The following ZPBP variants were observed in gnomAD, a reference collection of about 807,000 sequenced individuals.
The protein encoded by ZPBP is zona pellucida-binding protein 1.
ZPBP carries 26 observed loss-of-function variants against 44.8 expected under a neutral mutation model. The ratio of observed to expected loss-of-function variants is 0.58; its 90% CI spans 0.43 to 0.81. ZPBP has a LOEUF of 0.81. Among genes scored for constraint, ZPBP ranks in the 30% least tolerant of loss-of-function variants. The pLI is 0.00. For synonymous variants in ZPBP, 174 were observed against 153.2 expected, an observed-to-expected ratio of 1.14 and a Z score of -1.00; for missense variants, 409 against 434.0, an observed-to-expected ratio of 0.94 and a Z score of 0.51.
At chr7:50,051,912 T>G (rs1159099259) in intron 4 of ZPBP, among the ~76,000 whole-genome samples, 1 of 152,050 alleles carries the variant, frequency 6.6e-6, no homozygotes, top group Non-Finnish European at 1.5e-5. Context: ...GGCACATGTT[T>G]ATGTAACGAG....
intron 7 of ZPBP, among the ~76,000 whole-genome samples, chr7:49,972,252 G>C (rs1796328973): frequency 6.6e-6 from 1 of 151,150 alleles, no homozygotes; most frequent in African/African-American, 2.4e-5. Flanking sequence ...AGAGAAATTG[G>C]GCAAGAAAAA....
At chr7:50,080,163 G>C (rs1365806879) in intron 3 of ZPBP, among the ~76,000 whole-genome samples, 2 of 151,652 alleles carry the variant, frequency 1.3e-5, no homozygotes, top group African/African-American at 4.8e-5. Flanking sequence ...AAGCTTCTCT[G>C]TTCTTCAAAC....
At chr7:50,010,443 T>C (rs776840614) in intron 6 of ZPBP, among the ~76,000 whole-genome samples, 1 of 152,126 alleles carries the variant, frequency 6.6e-6, no homozygotes, top group Non-Finnish European at 1.5e-5. Flanking sequence ...AAATAATCTT[T>C]AGCTTAAATC....
At chr7:49,884,103 C>T (rs536353350) in intron 2 of ZPBP, among the ~76,000 whole-genome samples, 2 of 152,336 alleles carry the variant, frequency 1.3e-5, no homozygotes, top group South Asian at 4.1e-4. Flanking sequence ...GCAAACCTGT[C>T]AGGCTGGTAG....
downstream of ZPBP, among the ~76,000 whole-genome samples, chr7:49,933,721 C>T (rs1356240568): frequency 6.6e-6 from 1 of 151,992 alleles, no homozygotes; most frequent in Non-Finnish European, 1.5e-5. Flanking sequence ...ACTATGCAGC[C>T]ATAAAAAAGG....
intron 6 of ZPBP, among the ~76,000 whole-genome samples, chr7:50,006,201 T>C (rs1798304238): frequency 6.6e-6 from 1 of 151,836 alleles, no homozygotes; most frequent in Non-Finnish European, 1.5e-5. Flanking sequence ...ACCCCACTTT[T>C]AGTAATGGAC....
chr7:50,018,446 C>T, intron 5 of ZPBP, 130 bp from the exon 6 acceptor site: 2 of 747,898 alleles, frequency 2.7e-6, no homozygotes, highest in South Asian at 2.0e-5. Context: ...TTTCCTAGTG[C>T]TAAATGACTC....
intron 7 of ZPBP, among the ~76,000 whole-genome samples, chr7:49,968,283 CAGA>C (rs1231590203): frequency 1.8e-4 from 27 of 151,972 alleles, no homozygotes; most frequent in Non-Finnish European, 3.4e-4. Context: ...AATAAAAGGA[CAGA>C]TATATTAGGT....
At position 49,982,270 on chromosome 7, in the gene ZPBP, A is replaced by G. The variant is rs550468201; in HGVS notation, c.961+1072T>C. ...ATTATATATTTATATTATATATTAT[A>G]TATAATTTATAATTATACATAATAT... is the stretch of plus-strand genomic sequence containing the variant. On this transcript the variant is annotated intron_variant, in intron 7 of 7. Coordinates refer to ENST00000046087, the MANE Select transcript of ZPBP (RefSeq NM_007009.3). Among the ~76,000 whole-genome samples the G allele has an allele frequency of 2.0e-3, 208 of 106,622 alleles. 1 individual carries two copies. The highest frequency in any genetic ancestry group is 7.1e-3 in the African/African-American group (192 of 27,204). The allele number at this position is 106,622 out of a possible 152,430, so 69.9% of individuals were successfully genotyped here.
chr7:49,981,787 G>A (rs1427545857), intron 7 of ZPBP, among the ~76,000 whole-genome samples: 1 of 86,998 alleles, frequency 1.1e-5, no homozygotes, highest in Non-Finnish European at 2.0e-5. Context: ...GAATTATATA[G>A]ATTATATAAT....
At chr7:50,045,056 T>C in intron 4 of ZPBP, among the ~76,000 whole-genome samples, 1 of 152,192 alleles carries the variant, frequency 6.6e-6, no homozygotes, top group East Asian at 1.9e-4. Context: ...AACCACATGA[T>C]TATCTCAATA....
At chr7:50,068,069 T>C (rs1801621760) in intron 3 of ZPBP, among the ~76,000 whole-genome samples, 1 of 152,198 alleles carries the variant, frequency 6.6e-6, no homozygotes, top group Non-Finnish European at 1.5e-5. Flanking sequence ...TCAAGGCTTC[T>C]TTGATTTTTT....
chr7:50,057,421 G>A (rs982737540), intron 4 of ZPBP, among the ~76,000 whole-genome samples: 1 of 152,162 alleles, frequency 6.6e-6, no homozygotes, highest in Admixed American at 6.5e-5. Flanking sequence ...GTCTGTAAGA[G>A]TGTGTGCCTC....
chr7:50,091,997 AGTTACT>A (rs1803016069), intron 1 of ZPBP, among the ~76,000 whole-genome samples: 1 of 152,196 alleles, frequency 6.6e-6, no homozygotes, highest in African/African-American at 2.4e-5. Flanking sequence ...CCATCCTTAC[AGTTACT>A]GTAGAAAATG....
chr7:49,989,577 G>A (rs980140479), intron 6 of ZPBP, among the ~76,000 whole-genome samples: 1 of 152,182 alleles, frequency 6.6e-6, no homozygotes, highest in Non-Finnish European at 1.5e-5. Context: ...TAACAAAAAT[G>A]AGGACTAGAG....
intron 2 of ZPBP, among the ~76,000 whole-genome samples, chr7:49,859,161 A>G (rs992642451): frequency 1.4e-4 from 22 of 152,236 alleles, no homozygotes; most frequent in African/African-American, 4.8e-4. Flanking sequence ...TTACTCAGCA[A>G]TACCAAAATT....
intron 3 of ZPBP, among the ~76,000 whole-genome samples, chr7:50,081,018 A>G (rs1445222878): frequency 6.6e-6 from 1 of 151,836 alleles, no homozygotes; most frequent in Non-Finnish European, 1.5e-5. Flanking sequence ...CAACATAAAT[A>G]CCACAGAAAC....
chr7:50,019,224 A>G (rs978184261), intron 5 of ZPBP, among the ~76,000 whole-genome samples: 2 of 152,046 alleles, frequency 1.3e-5, no homozygotes, highest in African/African-American at 2.4e-5. Flanking sequence ...TTATCTACCA[A>G]TCTTGACAAT....
chr7:50,089,442 T>C (rs41286873), intron 2 of ZPBP, among the ~76,000 whole-genome samples, 187 bp downstream of exon 2: 4,577 of 152,214 alleles, frequency 0.03, 87 homozygotes, highest in Middle Eastern at 0.054. Flanking sequence ...CTTATGTAGT[T>C]ATAGCATATA....
Sources: allele counts gnomAD v4.1 joint callset (sites outside exome capture counted in the v4.1 genomes callset), GRCh38; gene constraint gnomAD v4.1.1; transcripts MANE v1.5; gene names NCBI Gene and HGNC (gene_info 2026-07-23, HGNC 2026-07-21).